Variants in TNFRSF1B observed in about 807,000 individuals in gnomAD.
TNFRSF1B encodes TNF receptor superfamily member 1B, also known as tumor necrosis factor receptor superfamily member 1B.
Under a neutral mutation model 44.6 loss-of-function variants are expected in TNFRSF1B, and 19 were observed. The ratio of observed to expected loss-of-function variants is 0.43; its 90% CI spans 0.30 to 0.62. The LOEUF is 0.62. Ranked by LOEUF, TNFRSF1B falls within the 20% of genes least tolerant of loss-of-function variation. TNFRSF1B has a pLI of 0.16. For missense variants in TNFRSF1B, 541 were observed against 619.9 expected, an observed-to-expected ratio of 0.87 and a Z score of 1.35; for synonymous variants, 252 against 261.1, an observed-to-expected ratio of 0.97 and a Z score of 0.34.
chr1:12,168,891 A>G lies in TNFRSF1B; in HGVS notation c.78+1722A>G, dbSNP rs961676720. Among the ~76,000 whole-genome samples the G allele has an allele frequency of 2.0e-5, 3 of 152,058 alleles. No homozygotes were observed. The highest frequency in any genetic ancestry group is 6.6e-5 in the Admixed American group (1 of 15,264). On this transcript the variant is annotated intron_variant, in intron 1 of 9. Coordinates refer to ENST00000376259, the MANE Select transcript of TNFRSF1B (RefSeq NM_001066.3). The surrounding 1 kb of genome is among the most constrained non-coding windows in gnomAD (Gnocchi z 4.7). Reference sequence around the variant, plus strand: ...CCTGGGGAGCCTCCTGTGGCTCCCAATGGTTGAGGCAGAAACTCCCCTGGA... The same window carrying G: ...CCTGGGGAGCCTCCTGTGGCTCCCAGTGGTTGAGGCAGAAACTCCCCTGGA...
chr1:12,196,066 C>T (rs970924512), intron 8 of TNFRSF1B, among the ~76,000 whole-genome samples: 10 of 152,088 alleles, frequency 6.6e-5, no homozygotes, highest in East Asian at 1.9e-4. Flanking sequence ...TTTGGAAGGC[C>T]GAGGTAGATG....
At chr1:12,175,530 C>T (rs1638636052) in intron 1 of TNFRSF1B, among the ~76,000 whole-genome samples, 1 of 152,140 alleles carries the variant, frequency 6.6e-6, no homozygotes, top group African/African-American at 2.4e-5. Flanking sequence ...CCCCTCCTCT[C>T]GCTGACCCCA....
intron 2 of TNFRSF1B, 48 bp downstream of exon 2, chr1:12,188,943 T>G (rs772558571): frequency 3.8e-6 from 6 of 1,564,696 alleles, no homozygotes; most frequent in Non-Finnish European, 5.2e-6. Context: ...TGGAGGAGCG[T>G]GTGTGTACAG....
At chr1:12,193,309 A>G in intron 6 of TNFRSF1B, 1 of 689,470 alleles carries the variant, frequency 1.5e-6, no homozygotes, top group Non-Finnish European at 2.7e-6. Flanking sequence ...GCAGTGGCTC[A>G]AGCCTGTAAT....
rs1271691819 is a variant in TNFRSF1B at position 12,207,133 on chromosome 1, T to C, written c.*113T>C. ...CCACCACTAGGACTCTGAGGCTCTT[T>C]CTGGGCCAAGTTCCTCTAGTGCCCT... On this transcript the variant is annotated 3_prime_UTR_variant, in exon 10 of 10. Transcript: ENST00000376259. The C allele has an allele frequency of 2.4e-6, 3 of 1,232,122 alleles. No individual in the cohort carries two copies. The Admixed American group carries it at 8.4e-5, about 35-fold the overall frequency. The allele number at this position is 1,232,122 out of a possible 1,614,324, so 76.3% of individuals were successfully genotyped here. A position where few individuals can be genotyped will look rare whatever the true frequency, so the allele number is the denominator to read the frequency against.
chr1:12,205,004 C>T (rs1185767293), intron 9 of TNFRSF1B, among the ~76,000 whole-genome samples: 1 of 151,756 alleles, frequency 6.6e-6, no homozygotes, highest in Non-Finnish European at 1.5e-5. Flanking sequence ...GCAAGACCCC[C>T]GTCTCTACTA....
chr1:12,183,449 TC>T (rs1162454921), intron 1 of TNFRSF1B, among the ~76,000 whole-genome samples: 2 of 4,730 alleles, frequency 4.2e-4, no homozygotes, highest in Non-Finnish European at 9.3e-4. Context: ...TTATCTATTC[TC>T]TCTCTCTCTC....
chr1:12,171,488 C>T lies in TNFRSF1B; in HGVS notation c.78+4319C>T, dbSNP rs1309748216. On this transcript the variant is annotated intron_variant, in intron 1 of 9. Transcript: ENST00000376259. This position sits in a 1 kb window ranked among gnomAD's most constrained non-coding sequence, Gnocchi z 4.5. ...GTAGACAATCCTGCCTGTAGGTGCT[C>T]CCTGCCAGGCACTCTCACTCCCTGA... 6.6e-6 allele frequency among the ~76,000 whole-genome samples: 1 copy of T among 152,186 alleles called. No individual in the cohort carries two copies.
intron 1 of TNFRSF1B, among the ~76,000 whole-genome samples, chr1:12,183,656 T>TTATCTATC (rs76161807): frequency 0.048 from 6,051 of 125,054 alleles, 270 homozygotes; most frequent in Middle Eastern, 0.075. Context: ...TTTATCTATT[T>TTATCTATC]TATCTATCTA....
intron 1 of TNFRSF1B, among the ~76,000 whole-genome samples, chr1:12,172,866 C>A (rs1333536827): frequency 2.0e-5 from 3 of 152,164 alleles, no homozygotes; most frequent in African/African-American, 7.2e-5. Context: ...TTTGGTGAAG[C>A]ACAGAGAGAG....
At position 12,180,705 on chromosome 1, in the gene TNFRSF1B, C is replaced by G. The variant is rs191420504; in HGVS notation, c.79-8091C>G. Among the ~76,000 whole-genome samples, 1 of 152,152 alleles carries G rather than the reference C, an allele frequency of 6.6e-6. No homozygotes were observed. Among genetic ancestry groups the G allele is most frequent in the East Asian group, 1.9e-4 (1 of 5,192 alleles). Reference sequence around the variant, plus strand: ...GGGCGTGGGGTCAGAAGAGAGGGGACGGTGTGCAGGGAGGGTGGAACCTGA... The same window carrying G: ...GGGCGTGGGGTCAGAAGAGAGGGGAGGGTGTGCAGGGAGGGTGGAACCTGA... On this transcript the variant is annotated intron_variant, in intron 1 of 9. Coordinates refer to ENST00000376259, the MANE Select transcript of TNFRSF1B (RefSeq NM_001066.3). This position sits in a 1 kb window ranked among gnomAD's most constrained non-coding sequence, Gnocchi z 4.3.
rs559127976 is a variant in TNFRSF1B, at chr1:12,175,937, G to A, written c.78+8768G>A. Among the ~76,000 whole-genome samples the A allele has an allele frequency of 2.0e-5, 3 of 152,216 alleles. No homozygotes were observed. The East Asian group carries it at 5.8e-4, about 29-fold the overall frequency. On this transcript the variant is annotated intron_variant, in intron 1 of 9. Coordinates refer to ENST00000376259, the MANE Select transcript of TNFRSF1B (RefSeq NM_001066.3). ...AGGAAAGAATATTAGGGGACAGGCC[G>A]GGCACGGTGGCTCACGCCTGTAATC...
chr1:12,175,634 C>A (rs1168183639), intron 1 of TNFRSF1B, among the ~76,000 whole-genome samples: 1 of 152,196 alleles, frequency 6.6e-6, no homozygotes, highest in African/African-American at 2.4e-5. Context: ...CTCGCAAGCC[C>A]CTAATCCTGC....
In TNFRSF1B at chr1:12,186,357, C is replaced by A. The variant is rs554803992; in HGVS notation, c.79-2439C>A. On this transcript the variant is annotated intron_variant, in intron 1 of 9. Transcript: ENST00000376259. The surrounding 1 kb of genome is among the most constrained non-coding windows in gnomAD (Gnocchi z 4.8). ...GGGAGGAGGAGGCACACTGAACCCA[C>A]CTGCTACGTTGGCTGGTGGAAATTT... 6.6e-6 allele frequency among the ~76,000 whole-genome samples: 1 copy of A among 152,232 alleles called. No individual in the cohort carries two copies. Among genetic ancestry groups the A allele is most frequent in the Non-Finnish European group, 1.5e-5 (1 of 68,042 alleles).
chr1:12,172,517 C>A (rs543010856), intron 1 of TNFRSF1B, among the ~76,000 whole-genome samples: 1 of 152,298 alleles, frequency 6.6e-6, no homozygotes, highest in South Asian at 2.1e-4. Context: ...GGGTGGTGCT[C>A]GGGCCTAGGT....
At chr1:12,205,031 A>AG (rs1639472299) in intron 9 of TNFRSF1B, among the ~76,000 whole-genome samples, 1 of 151,940 alleles carries the variant, frequency 6.6e-6, no homozygotes, top group Admixed American at 6.6e-5. Flanking sequence ...TAAAAAAAAA[A>AG]GTCCCTACCC....
intron 1 of TNFRSF1B, among the ~76,000 whole-genome samples, chr1:12,188,269 A>T (rs997160251): frequency 6.6e-6 from 1 of 152,194 alleles, no homozygotes; most frequent in East Asian, 1.9e-4. Flanking sequence ...CAATGAGATG[A>T]CTGTTAGAGG....
chr1:12,207,072 A>G lies in TNFRSF1B; in HGVS notation c.*52A>G. 1.3e-6 allele frequency: 2 copies of G among 1,510,780 alleles called. No individual in the cohort carries two copies. Among genetic ancestry groups the G allele is most frequent in the Non-Finnish European group, 1.8e-6 (2 of 1,127,302 alleles). 93.6% of individuals were successfully genotyped at this position (1,510,780 alleles called of 1,614,324 possible). ...CCAAGGTGGGCTGAGCCCTGGCAGG[A>G]TGACCCTGCGAAGGGGCCCTGGTCC... On this transcript the variant is annotated 3_prime_UTR_variant, in exon 10 of 10. Coordinates refer to ENST00000376259, the MANE Select transcript of TNFRSF1B (RefSeq NM_001066.3).
In TNFRSF1B at chr1:12,180,583, T is replaced by C. The variant is rs1638776584; in HGVS notation, c.79-8213T>C. The stretch of plus-strand genomic sequence containing the variant: ...GCCCTGGCCACCTGGCCCTGCCCCT[T>C]ACCAGCTAAGGGCTCCAGCAGAGTC... On this transcript the variant is annotated intron_variant, in intron 1 of 9. Transcript: ENST00000376259. The surrounding 1 kb of genome is among the most constrained non-coding windows in gnomAD (Gnocchi z 4.3). Among the ~76,000 whole-genome samples the C allele has an allele frequency of 6.6e-6, 1 of 152,162 alleles. No homozygotes were observed. Among genetic ancestry groups the C allele is most frequent in the Non-Finnish European group, 1.5e-5 (1 of 68,012 alleles).
Sources: allele counts gnomAD v4.1 joint callset (sites outside exome capture counted in the v4.1 genomes callset), GRCh38; gene constraint gnomAD v4.1.1; non-coding constraint Gnocchi (gnomAD v3.1); transcripts MANE v1.5; gene names NCBI Gene and HGNC (gene_info 2026-07-23, HGNC 2026-07-21).